Variants in SLC12A8 observed in about 807,000 individuals in gnomAD.
SLC12A8 encodes cation-chloride cotransporter 9.
A neutral mutation model predicts 75.6 loss-of-function variants in SLC12A8; 69 were observed. The ratio of observed to expected loss-of-function variants is 0.91; its 90% CI spans 0.75 to 1.11. The LOEUF (loss-of-function observed/expected upper bound fraction) is 1.11, where lower values mean the gene tolerates loss of function less well. Ranked by LOEUF, SLC12A8 falls within the 50% of genes most tolerant of loss-of-function variation. The pLI, the probability that SLC12A8 is intolerant of heterozygous loss-of-function variation, is 0.00. For synonymous variants in SLC12A8, 365 were observed against 372.8 expected (o/e 0.98, Z 0.24); for missense variants, 877 against 896.7 (o/e 0.98, Z 0.28).
chr3:125,206,077 C>A (rs1935221282), intron 2 of SLC12A8, among the ~76,000 whole-genome samples: 1 of 152,192 alleles, frequency 6.6e-6, no homozygotes, highest in African/African-American at 2.4e-5. Flanking sequence ...ACTAATAAAG[C>A]AATATGCTAT....
intron 4 of SLC12A8, among the ~76,000 whole-genome samples, chr3:125,186,290 T>G (rs1274745799): frequency 6.6e-6 from 1 of 152,188 alleles, no homozygotes; most frequent in Non-Finnish European, 1.5e-5. Flanking sequence ...GCAGAGGCCA[T>G]CTGTTTGCCT....
chr3:125,210,367 A>G (rs1018397372), intron 2 of SLC12A8, among the ~76,000 whole-genome samples: 2 of 152,180 alleles, frequency 1.3e-5, no homozygotes, highest in East Asian at 3.9e-4. Flanking sequence ...AGATGTGGGG[A>G]ACTCGACTTG....
chr3:125,156,899 G>T (rs933003828), intron 5 of SLC12A8, among the ~76,000 whole-genome samples: 1 of 152,142 alleles, frequency 6.6e-6, no homozygotes, highest in Non-Finnish European at 1.5e-5. Flanking sequence ...CTTTTGCTCA[G>T]CTTTTATGAT....
intron 6 of SLC12A8, among the ~76,000 whole-genome samples, chr3:125,132,530 G>A (rs1480326594): frequency 2.0e-5 from 3 of 152,172 alleles, no homozygotes; most frequent in Non-Finnish European, 4.4e-5. Context: ...GAAAGAGGGA[G>A]GTCTGATCAC....
At chr3:125,123,371 G>GAAAA (rs34868769) in intron 6 of SLC12A8, among the ~76,000 whole-genome samples, 2 of 103,910 alleles carry the variant, frequency 1.9e-5, no homozygotes, top group Non-Finnish European at 3.8e-5. Flanking sequence ...TCCATCTCAG[G>GAAAA]AAAAAAAAAA....
rs1257767258 is a variant in SLC12A8, at chr3:125,083,933, T to C, written c.2102A>G (p.His701Arg). ...CTGCTCCCGGTTCACGAGGGAGGAG[T>C]GGTGGTAGCGATCCCGAGTGGCGAA... is the stretch of plus-strand genomic sequence containing the variant. ...ADFATRDRYH[H>R]SSLVNREQLM... The change falls in exon 14 of 14, where the codon CAC (histidine) becomes CGC (arginine). Residue 701 changes from histidine to arginine, a missense_variant. By Grantham distance (29) the His-to-Arg change is conservative. Coordinates refer to ENST00000469902, the MANE Select transcript of SLC12A8 (RefSeq NM_024628.6). 2 of 1,611,780 alleles carry C rather than the reference T, an allele frequency of 1.2e-6. No individual in the cohort carries two copies. The highest frequency in any genetic ancestry group is 1.7e-5 in the Admixed American group (1 of 59,732).
At chr3:125,176,332 A>G (rs1934526721) in intron 5 of SLC12A8, among the ~76,000 whole-genome samples, 1 of 152,112 alleles carries the variant, frequency 6.6e-6, no homozygotes, top group African/African-American at 2.4e-5. Flanking sequence ...CGGCCTCCCA[A>G]AGGGCTGGGA....
chr3:125,176,834 A>G (rs36194550), intron 5 of SLC12A8, among the ~76,000 whole-genome samples: 56,027 of 129,328 alleles, frequency 0.43, 14,025 homozygotes, highest in Non-Finnish European at 0.54. Context: ...AACAGGTGCT[A>G]GAGAGGATGT....
chr3:125,190,610 G>C, intron 2 of SLC12A8, 89 bp from the exon 3 acceptor site: 1 of 1,482,946 alleles, frequency 6.7e-7, no homozygotes, highest in Non-Finnish European at 9.2e-7. Context: ...GGAGGTAGGA[G>C]AACTCAGCTT....
In SLC12A8 at chr3:125,210,153, G is replaced by A. The variant is rs376181977; in HGVS notation, c.51+1146C>T. Among the ~76,000 whole-genome samples, 26 of 152,290 alleles carry A rather than the reference G, an allele frequency of 1.7e-4. 1 individual carries two copies. In the South Asian group the frequency reaches 3.3e-3, roughly 19 times the overall value. On this transcript the variant is annotated intron_variant, in intron 2 of 13. Transcript: ENST00000469902. ...TTATGACAATTTAACTTGCATTGTGGTTTTCTGTTGTTTGTTCATGTGATC... is the reference window on the plus strand; with the variant it reads ...TTATGACAATTTAACTTGCATTGTGATTTTCTGTTGTTTGTTCATGTGATC...
chr3:125,203,833 C>A (rs1935176987), intron 2 of SLC12A8, among the ~76,000 whole-genome samples: 1 of 152,200 alleles, frequency 6.6e-6, no homozygotes, highest in Admixed American at 6.5e-5. Flanking sequence ...GCAAGATATT[C>A]ATGCAACAAG....
chr3:125,169,016 G>A (rs558889206), intron 5 of SLC12A8, among the ~76,000 whole-genome samples: 3 of 152,308 alleles, frequency 2.0e-5, no homozygotes, highest in South Asian at 2.1e-4. Flanking sequence ...CCAGGCTACC[G>A]TCTTCCTAGA....
chr3:125,123,141 G>A (rs1449438916), intron 6 of SLC12A8, among the ~76,000 whole-genome samples: 2 of 151,978 alleles, frequency 1.3e-5, no homozygotes, highest in South Asian at 2.1e-4. Context: ...TTGGGAGGCC[G>A]AGGCAGGCAG....
intron 5 of SLC12A8, among the ~76,000 whole-genome samples, chr3:125,172,903 G>A (rs1934436190): frequency 6.6e-6 from 1 of 152,192 alleles, no homozygotes; most frequent in South Asian, 2.1e-4. Flanking sequence ...CACTGGTCAG[G>A]CGCAGTGGCT....
At chr3:125,125,919 T>C in intron 6 of SLC12A8, 1 of 984,860 alleles carries the variant, frequency 1.0e-6, no homozygotes, top group Non-Finnish European at 1.2e-6. Context: ...GCGCGATGCA[T>C]TGGTTTCGCC....
Position 125,106,485 on chromosome 3 carries a change from C to A in SLC12A8, c.1705+996G>T, listed in dbSNP as rs370468776. On this transcript the variant is annotated intron_variant, in intron 10 of 13. Transcript: ENST00000469902. ...TCAAGCAACTCTCCTGCCACTGCAA[C>A]CTCCGCCTCCTGGGTTCAAGCAATT... is the stretch of plus-strand genomic sequence containing the variant. Among the ~76,000 whole-genome samples, 13 of 152,198 alleles carry A rather than the reference C, an allele frequency of 8.5e-5. No homozygotes were observed. In the East Asian group the frequency reaches 1.7e-3, roughly 20 times the overall value.
intron 10 of SLC12A8, among the ~76,000 whole-genome samples, chr3:125,097,655 A>C (rs1305519844): frequency 6.6e-6 from 1 of 151,996 alleles, no homozygotes; most frequent in African/African-American, 2.4e-5. Context: ...TATATCAGCA[A>C]TGTAAGGGAA....
At chr3:125,122,520 T>C (rs569878566) in intron 6 of SLC12A8, among the ~76,000 whole-genome samples, 8 of 152,274 alleles carry the variant, frequency 5.3e-5, no homozygotes, top group African/African-American at 1.9e-4. Flanking sequence ...CCCATGAATG[T>C]CTGGAACATA....
intron 10 of SLC12A8, among the ~76,000 whole-genome samples, chr3:125,096,822 T>G (rs987812971): frequency 1.5e-5 from 2 of 129,766 alleles, no homozygotes; most frequent in African/African-American, 2.7e-5. Context: ...TTTTAACAAT[T>G]TAATTAAATT....
Sources: gnomAD v4.1 joint callset for allele counts (sites outside exome capture counted in the v4.1 genomes callset) on GRCh38, gnomAD v4.1.1 for gene constraint, MANE v1.5 for transcripts, NCBI Gene and HGNC (gene_info 2026-07-23, HGNC 2026-07-21) for gene names.